B3GAT1: variants seen among roughly 807,000 people sequenced by gnomAD.
B3GAT1 encodes the protein beta-1,3-glucuronyltransferase 1, also known as galactosylgalactosylxylosylprotein 3-beta-glucuronosyltransferase 1.
A neutral mutation model predicts 28.4 loss-of-function variants in B3GAT1; 11 were observed. The observed-to-expected ratio is 0.39, with a 90% CI of 0.24 to 0.64. The LOEUF (loss-of-function observed/expected upper bound fraction) is 0.64. Ranked by LOEUF, B3GAT1 falls within the 30% of genes least tolerant of loss-of-function variation. B3GAT1 has a pLI of 0.50. For missense variants in B3GAT1, 375 were observed against 491.0 expected, an observed-to-expected ratio of 0.76 and a Z score of 2.23; for synonymous variants, 255 against 223.1, an observed-to-expected ratio of 1.14 and a Z score of -1.27.
Position 134,382,933 on chromosome 11 carries a change from AC to A in B3GAT1, c.694del (p.Val232Ter). On this transcript the variant is annotated frameshift_variant, in exon 4 of 6. Coordinates refer to ENST00000312527, the MANE Select transcript of B3GAT1 (RefSeq NM_054025.3). LOFTEE classifies it high-confidence loss of function. ...GCCGACCACCTTCCCTGCCCCGTTC[AC>A]CCGTGGGGCCTCGTACCGCAGGCCA... Reference protein sequence around the residue: ...VGGLRYEAPRVNGAGKVVGWK... With the variant: ...VGGLRYEAPRXNGAGKVVGWK... 6.2e-7 allele frequency: 1 copy of A among 1,610,152 alleles called. No individual in the cohort carries two copies. The highest frequency in any genetic ancestry group is 8.5e-7 in the Non-Finnish European group (1 of 1,178,352).
chr11:134,403,124 C>T (rs1393702929), intron 1 of B3GAT1, among the ~76,000 whole-genome samples: 6 of 152,206 alleles, frequency 3.9e-5, no homozygotes, highest in African/African-American at 9.6e-5. Context: ...AGCACCAGGG[C>T]GGCTACGGAT....
At position 134,379,912 on chromosome 11, in the gene B3GAT1, G is replaced by C. The variant is rs1308747527; in HGVS notation, c.*850C>G. 6.5e-6 allele frequency: 1 copy of C among 153,098 alleles called. No individual in the cohort carries two copies. Among genetic ancestry groups the C allele is most frequent in the Non-Finnish European group, 1.5e-5 (1 of 68,408 alleles). 9.5% of individuals were successfully genotyped at this position (153,098 alleles called of 1,614,324 possible). A position where few individuals can be genotyped will look rare whatever the true frequency, so the allele number is the denominator to read the frequency against. ...TCCAGTCCAGGCGAGGGGCCTAGCA[G>C]CCGAGGTGGGCGGTGGGGAGGCAGT... On this transcript the variant is annotated 3_prime_UTR_variant, in exon 6 of 6. Transcript: ENST00000312527.
At position 134,383,998 on chromosome 11, in the gene B3GAT1, C is replaced by G; in HGVS notation, c.303G>C (p.Glu101Asp). 1.2e-6 allele frequency: 2 copies of G among 1,604,624 alleles called. No homozygotes were observed. The highest frequency in any genetic ancestry group is 1.7e-6 in the Non-Finnish European group (2 of 1,178,952). ...PTYSRPVQKA[E>D]LTRMANTLLH... ...GCAGCGTGTTGGCCATGCGCGTCAG[C>G]TCGGCCTTCTGCACCGGGCGGCTGT... The change falls in exon 3 of 6, where the codon GAG becomes GAC. Residue 101 changes from glutamate to aspartate, a missense_variant. Coordinates refer to ENST00000312527, the MANE Select transcript of B3GAT1 (RefSeq NM_054025.3).
chr11:134,382,883 G>A lies in B3GAT1; in HGVS notation c.745C>T (p.Arg249Trp), dbSNP rs1471049292. The A allele has an allele frequency of 1.9e-6, 3 of 1,614,088 alleles. No homozygotes were observed. Among genetic ancestry groups the A allele is most frequent in the Non-Finnish European group, 8.5e-7 (1 of 1,179,990 alleles). Residue 249 changes from arginine to tryptophan, a missense_variant, in exon 4 of 6, where the codon CGG (arginine) becomes TGG (tryptophan). Coordinates refer to ENST00000312527, the MANE Select transcript of B3GAT1 (RefSeq NM_054025.3). ...CCAGCCATGTCTATTGCAAATGGCC[G>A]GTGGGGGTCAAACACCGTCTTCCAG... Reference protein sequence around the residue: ...VGWKTVFDPHRPFAIDMAGFA... With the variant: ...VGWKTVFDPHWPFAIDMAGFA...
rs1184067585 is a variant in B3GAT1 at position 134,380,441 on chromosome 11, C to T, written c.*321G>A. ...AGTGTGGGCGCCCACTGCACCTGCT[C>T]CTGCAGCCCCGTCAGTGCGGGGAGC... On this transcript the variant is annotated 3_prime_UTR_variant, in exon 6 of 6. Transcript: ENST00000312527. 3 of 152,446 alleles carry T rather than the reference C, an allele frequency of 2.0e-5. No homozygotes were observed. Among genetic ancestry groups the T allele is most frequent in the Non-Finnish European group, 4.4e-5 (3 of 68,042 alleles). The allele number at this position is 152,446 out of a possible 1,614,324, so 9.4% of individuals were successfully genotyped here. A position where few individuals can be genotyped will look rare whatever the true frequency, so the allele number is the denominator to read the frequency against.
chr11:134,407,106 A>G (rs1035267889), intron 1 of B3GAT1, among the ~76,000 whole-genome samples: 2 of 152,262 alleles, frequency 1.3e-5, no homozygotes, highest in African/African-American at 4.8e-5. Flanking sequence ...CCCACTTGAA[A>G]TGTGGCTGGT....
At position 134,387,623 on chromosome 11, in the gene B3GAT1, T is replaced by A; in HGVS notation, c.37A>T (p.Ile13Phe). ...ATGAGCAGAGTCCAGGGCAGCACGA[T>A]GAGGACGATCGCTAGGATGTCCCGT... ...KRRDILAIVL[I>F]VLPWTLLITV... Residue 13 changes from isoleucine (I) to phenylalanine (F), a missense_variant, in exon 2 of 6, where the codon ATC (isoleucine) becomes TTC (phenylalanine). Coordinates refer to ENST00000312527, the MANE Select transcript of B3GAT1 (RefSeq NM_054025.3). 1 of 1,614,136 alleles carries A rather than the reference T, an allele frequency of 6.2e-7. No individual in the cohort carries two copies. The highest frequency in any genetic ancestry group is 8.5e-7 in the Non-Finnish European group (1 of 1,180,042).
chr11:134,408,229 CTATTCTAGTGGGGTGAAGAGGGAGGTGG>C (rs1434074528), intron 1 of B3GAT1, among the ~76,000 whole-genome samples: 151 of 138,082 alleles, frequency 1.1e-3, no homozygotes, highest in East Asian at 1.5e-3. Flanking sequence ...CAGCCTGCAC[CTATTCTAGTGGGGTGAAGAGGGAGGTGG>C]GACAGCCTGC....
At chr11:134,390,713 C>T (rs763257840) in intron 1 of B3GAT1, 13 of 152,270 alleles carry the variant, frequency 8.5e-5, no homozygotes, top group African/African-American at 1.4e-4. Context: ...GTGGGTTCAT[C>T]GAGGCCAGAG....
At chr11:134,398,761 G>A (rs1052665914) in intron 1 of B3GAT1, among the ~76,000 whole-genome samples, 1 of 152,096 alleles carries the variant, frequency 6.6e-6, no homozygotes, top group Non-Finnish European at 1.5e-5. Context: ...TGGCCAGCTG[G>A]CCCCCGGCCT....
chr11:134,397,357 C>T (rs1250234740), intron 1 of B3GAT1, among the ~76,000 whole-genome samples: 1 of 152,198 alleles, frequency 6.6e-6, no homozygotes, highest in Non-Finnish European at 1.5e-5. Flanking sequence ...GGATGCCTGC[C>T]CTGCGCCCGC....
chr11:134,401,980 C>A (rs11600571), intron 1 of B3GAT1, among the ~76,000 whole-genome samples: 1 of 51,454 alleles, frequency 1.9e-5, no homozygotes, highest in Non-Finnish European at 4.4e-5. Flanking sequence ...CGGGGGGGGG[C>A]GGGCAGCCTG....
At chr11:134,397,469 G>A (rs182550789) in intron 1 of B3GAT1, among the ~76,000 whole-genome samples, 37 of 152,210 alleles carry the variant, frequency 2.4e-4, no homozygotes, top group Non-Finnish European at 4.7e-4. Flanking sequence ...GCTTTTCCTC[G>A]TCCTGTGGTG....
chr11:134,391,511 C>T (rs1319096490), intron 1 of B3GAT1: 2 of 152,360 alleles, frequency 1.3e-5, no homozygotes, highest in African/African-American at 4.8e-5. Context: ...CGCAGGCTGT[C>T]TCTAACAAGG....
At chr11:134,404,159 A>G (rs1448544239) in intron 1 of B3GAT1, among the ~76,000 whole-genome samples, 4 of 151,508 alleles carry the variant, frequency 2.6e-5, no homozygotes, top group African/African-American at 9.7e-5. Flanking sequence ...TCCTAATGCT[A>G]TCCCTCCCCT....
intron 1 of B3GAT1, among the ~76,000 whole-genome samples, chr11:134,404,034 T>TTTATTA (rs1555098490): frequency 2.3e-5 from 3 of 132,142 alleles, no homozygotes; most frequent in African/African-American, 8.6e-5. Context: ...TATATATTTA[T>TTTATTA]TATACGTTAA....
In B3GAT1 at chr11:134,383,733, C is replaced by A; in HGVS notation, c.568G>T (p.Val190Leu). The A allele has an allele frequency of 6.3e-7, 1 of 1,594,688 alleles. No homozygotes were observed. Among genetic ancestry groups the A allele is most frequent in the Non-Finnish European group, 8.6e-7 (1 of 1,167,906 alleles). Residue 190 changes from valine to leucine, a missense_variant, in exon 3 of 6, where the codon GTG (valine) becomes TTG (leucine). Val to Leu is a conservative substitution (Grantham distance 32). Transcript: ENST00000312527. ...TTGTCGTCGTCGGCGAAGTAGACCA[C>A]GCCAGGCTGGCTGGAGTTGCGCGGG... The part of the protein sequence containing the change: ...TFPRNSSQPG[V>L]VYFADDDNTY...
chr11:134,395,216 G>A (rs566535783), intron 1 of B3GAT1, among the ~76,000 whole-genome samples: 8 of 152,356 alleles, frequency 5.3e-5, no homozygotes, highest in African/African-American at 1.7e-4. Context: ...GCCCGGGGGC[G>A]GGTGGGGAAG....
chr11:134,400,753 C>T (rs191133471), intron 1 of B3GAT1, among the ~76,000 whole-genome samples: 42 of 152,258 alleles, frequency 2.8e-4, no homozygotes, highest in Admixed American at 1.6e-3. Context: ...AAAATACAAA[C>T]AAAAATCAAC....
Sources: allele counts gnomAD v4.1 joint callset (sites outside exome capture counted in the v4.1 genomes callset), GRCh38; gene constraint gnomAD v4.1.1; transcripts MANE v1.5; gene names NCBI Gene and HGNC (gene_info 2026-07-23, HGNC 2026-07-21).